GNPDA2: variants seen among roughly 807,000 people sequenced by gnomAD.
The protein encoded by GNPDA2 is glcN6P deaminase 2.
Under a neutral mutation model 27.0 loss-of-function variants are expected in GNPDA2, and 24 were observed. That is an observed-to-expected ratio of 0.89 (90% CI 0.64 to 1.25). The LOEUF (loss-of-function observed/expected upper bound fraction) is 1.25, where lower values mean the gene tolerates loss of function less well. GNPDA2 is among the 50% of genes most tolerant of loss of function. The pLI is 0.00. For synonymous variants in GNPDA2, 94 were observed against 108.4 expected, an observed-to-expected ratio of 0.87 and a Z score of 0.83; for missense variants, 286 against 335.1, an observed-to-expected ratio of 0.85 and a Z score of 1.14.
At chr4:44,705,447 T>C (rs545945204) in intron 6 of GNPDA2, 1 of 985,086 alleles carries the variant, frequency 1.0e-6, no homozygotes, top group South Asian at 4.7e-5. Flanking sequence ...AAGTGGAAAA[T>C]ACTGTGTCCT....
chr4:44,705,179 G>T (rs1174468310), intron 6 of GNPDA2: 13 of 982,814 alleles, frequency 1.3e-5, no homozygotes, highest in African/African-American at 1.7e-5. Context: ...GGAATTTGAA[G>T]AGTTATGGAT....
chr4:44,707,989 T>A, intron 5 of GNPDA2, 63 bp from the exon 6 acceptor site: 1 of 1,189,370 alleles, frequency 8.4e-7, no homozygotes. Context: ...CTCTATTTTT[T>A]TTAAACGAGA....
At chr4:44,707,097 ATC>A (rs892501643) in intron 6 of GNPDA2, 1 of 151,964 alleles carries the variant, frequency 6.6e-6, no homozygotes. Flanking sequence ...TCCCTTGAAA[ATC>A]TCTTAAAACC....
chr4:44,718,023 G>A (rs1322552456), intron 3 of GNPDA2, among the ~76,000 whole-genome samples: 1 of 151,848 alleles, frequency 6.6e-6, no homozygotes, highest in Non-Finnish European at 1.5e-5. Flanking sequence ...TGAGTAGACT[G>A]GCTTAAAGTT....
At chr4:44,719,791 G>GA (rs896218797) in intron 2 of GNPDA2, among the ~76,000 whole-genome samples, 27 of 148,950 alleles carry the variant, frequency 1.8e-4, no homozygotes, top group Admixed American at 7.4e-4. Context: ...AAAGACTGAA[G>GA]AAAAAAAAAG....
chr4:44,707,395 T>C, intron 6 of GNPDA2: 1 of 280,346 alleles, frequency 3.6e-6, no homozygotes, highest in East Asian at 6.0e-5. Flanking sequence ...GGAAGAGGGA[T>C]TGAGGTGGGA....
intron 4 of GNPDA2, among the ~76,000 whole-genome samples, chr4:44,716,891 C>T (rs2029558): frequency 0.53 from 79,672 of 151,532 alleles, 22,358 homozygotes; most frequent in Non-Finnish European, 0.64. Context: ...CCTCTCAAGG[C>T]ATAAGGTAAA....
rs1716355904 is a variant in GNPDA2, at chr4:44,702,795, T to A, written c.*286A>T. On this transcript the variant is annotated 3_prime_UTR_variant, in exon 7 of 7. Transcript: ENST00000295448. ...TGATGTGGACACTCTACCTTTAAAA[T>A]GACTTTTTAAACAGGCAGACATTTC... 20 of 1,228,348 alleles carry A rather than the reference T, an allele frequency of 1.6e-5. No individual in the cohort carries two copies. The South Asian group carries it at 4.0e-4, about 24-fold the overall frequency. 76.1% of individuals were successfully genotyped at this position (1,228,348 alleles called of 1,614,324 possible). A position where few individuals can be genotyped will look rare whatever the true frequency, so the allele number is the denominator to read the frequency against.
intron 1 of GNPDA2, among the ~76,000 whole-genome samples, chr4:44,725,914 G>A (rs931061679): frequency 6.6e-6 from 1 of 152,144 alleles, no homozygotes; most frequent in Non-Finnish European, 1.5e-5. Context: ...TTCTACACCC[G>A]TGAAGTTACA....
chr4:44,724,838 T>G (rs1429282108), intron 1 of GNPDA2, among the ~76,000 whole-genome samples: 2 of 152,090 alleles, frequency 1.3e-5, no homozygotes, highest in Admixed American at 1.3e-4. Context: ...TTACAGAAAA[T>G]AAATTACATA....
intron 5 of GNPDA2, 135 bp from the exon 6 acceptor site, chr4:44,708,061 A>C (rs1422939674): frequency 1.9e-6 from 1 of 531,272 alleles, no homozygotes; most frequent in Non-Finnish European, 3.2e-6. Context: ...ATAATAGTTC[A>C]AGGTATTCAT....
chr4:44,718,237 C>A, intron 3 of GNPDA2, 72 bp downstream of exon 3: 1 of 597,120 alleles, frequency 1.7e-6, no homozygotes, highest in Middle Eastern at 2.8e-4. Flanking sequence ...TACTTGTATT[C>A]TAAAACTACA....
intron 6 of GNPDA2, chr4:44,704,686 A>G: frequency 4.2e-6 from 4 of 959,400 alleles, no homozygotes; most frequent in Non-Finnish European, 5.0e-6. Flanking sequence ...TCAAACAGAA[A>G]TAATTCTTCT....
intron 1 of GNPDA2, among the ~76,000 whole-genome samples, chr4:44,723,122 A>G (rs1717781517): frequency 6.6e-6 from 1 of 152,194 alleles, no homozygotes; most frequent in Admixed American, 6.5e-5. Context: ...AAGAGATCGG[A>G]GTCACTTAAA....
At chr4:44,710,069 C>A (rs971388094) in intron 5 of GNPDA2, among the ~76,000 whole-genome samples, 2 of 152,128 alleles carry the variant, frequency 1.3e-5, no homozygotes, top group Non-Finnish European at 1.5e-5. Context: ...TTACATAACT[C>A]AGTTTCACAT....
intron 4 of GNPDA2, among the ~76,000 whole-genome samples, chr4:44,711,790 C>T (rs1296645058): frequency 6.9e-6 from 1 of 144,234 alleles, no homozygotes; most frequent in Non-Finnish European, 1.5e-5. Flanking sequence ...TAAGAAATAA[C>T]ATTTGATATT....
At chr4:44,718,227 T>C in intron 3 of GNPDA2, 82 bp downstream of exon 3, 1 of 548,308 alleles carries the variant, frequency 1.8e-6, no homozygotes. Context: ...AATTCAAATA[T>C]ACTTGTATTC....
intron 1 of GNPDA2, among the ~76,000 whole-genome samples, chr4:44,722,860 A>T (rs1461781446): frequency 6.6e-6 from 1 of 152,198 alleles, no homozygotes; most frequent in Non-Finnish European, 1.5e-5. Flanking sequence ...ATGCCCAGTT[A>T]TAGATGAGGA....
chr4:44,717,625 C>T (rs1215725084), intron 3 of GNPDA2, among the ~76,000 whole-genome samples: 1 of 151,798 alleles, frequency 6.6e-6, no homozygotes, highest in Non-Finnish European at 1.5e-5. Flanking sequence ...AGTAACTATA[C>T]TCTTCTCAAA....
Sources: gnomAD v4.1 joint callset for allele counts (sites outside exome capture counted in the v4.1 genomes callset) on GRCh38, gnomAD v4.1.1 for gene constraint, MANE v1.5 for transcripts, NCBI Gene and HGNC (gene_info 2026-07-23, HGNC 2026-07-21) for gene names.